Variants in CPEB1 observed in about 807,000 individuals in gnomAD.
The protein encoded by CPEB1 is cytoplasmic polyadenylation element-binding protein 1.
CPEB1 carries 7 observed loss-of-function variants against 65.8 expected under a neutral mutation model. The observed-to-expected ratio is 0.11, with a 90% CI of 0.06 to 0.20. CPEB1 has a LOEUF of 0.20. Ranked by LOEUF, CPEB1 falls within the 10% of genes least tolerant of loss-of-function variation. CPEB1 has a pLI of 1.00. For synonymous variants in CPEB1, 262 were observed against 260.0 expected (o/e 1.01, Z -0.08); for missense variants, 551 against 712.2 (o/e 0.77, Z 2.58).
At chr15:82,625,298 C>G (rs1252281879) in intron 3 of CPEB1, among the ~76,000 whole-genome samples, 2 of 152,016 alleles carry the variant, frequency 1.3e-5, no homozygotes, top group African/African-American at 4.8e-5. Flanking sequence ...CAAAAACCAC[C>G]CCCACCCCCA....
intron 3 of CPEB1, among the ~76,000 whole-genome samples, chr15:82,623,786 C>T (rs926621535): frequency 6.6e-6 from 1 of 152,106 alleles, no homozygotes. Context: ...ATTCTTTTTA[C>T]ACTTTTTTTT....
At chr15:82,566,332 A>T (rs1410289579) in intron 4 of CPEB1, among the ~76,000 whole-genome samples, 3 of 152,186 alleles carry the variant, frequency 2.0e-5, no homozygotes, top group Non-Finnish European at 2.9e-5. Context: ...ACCAGGAGCC[A>T]TTATTTCTAG....
intron 3 of CPEB1, among the ~76,000 whole-genome samples, chr15:82,573,384 C>T (rs1340431618): frequency 8.0e-6 from 1 of 125,130 alleles, no homozygotes; most frequent in Non-Finnish European, 1.7e-5. Context: ...ACTGGTGCTG[C>T]CCCTACCCCT....
chr15:82,615,560 A>G (rs188268785), intron 3 of CPEB1, among the ~76,000 whole-genome samples: 4 of 152,348 alleles, frequency 2.6e-5, no homozygotes, highest in Admixed American at 1.3e-4. Context: ...ACACAATTCT[A>G]GAAACTTACT....
intron 1 of CPEB1, among the ~76,000 whole-genome samples, chr15:82,641,855 C>A (rs999957579): frequency 1.3e-5 from 2 of 152,196 alleles, no homozygotes; most frequent in Non-Finnish European, 2.9e-5. Context: ...CCTCCCAGGT[C>A]CAAGTTAATC....
At chr15:82,640,378 C>T (rs112598689) in intron 1 of CPEB1, among the ~76,000 whole-genome samples, 1 of 152,154 alleles carries the variant, frequency 6.6e-6, no homozygotes, top group East Asian at 1.9e-4. Flanking sequence ...TTCTCTTGCA[C>T]ATAGGAACAC....
At chr15:82,560,400 GTTTT>G (rs548856094) in intron 4 of CPEB1, among the ~76,000 whole-genome samples, 4 of 134,370 alleles carry the variant, frequency 3.0e-5, no homozygotes, top group African/African-American at 8.3e-5. Context: ...ATTGTCATTT[GTTTT>G]TTTTTTTTTT....
At chr15:82,573,835 T>C (rs753535778) in intron 3 of CPEB1, among the ~76,000 whole-genome samples, 9 of 152,124 alleles carry the variant, frequency 5.9e-5, no homozygotes, top group Non-Finnish European at 1.0e-4. Flanking sequence ...GTTTGAGCAG[T>C]CGGGTGTGGT....
chr15:82,637,697 G>T (rs867932371), intron 1 of CPEB1, among the ~76,000 whole-genome samples: 2 of 152,038 alleles, frequency 1.3e-5, no homozygotes, highest in Non-Finnish European at 2.9e-5. Flanking sequence ...CTTTTAAGAC[G>T]TCTTCATTCC....
chr15:82,590,663 C>CA (rs1236343539), intron 3 of CPEB1, among the ~76,000 whole-genome samples: 3 of 152,196 alleles, frequency 2.0e-5, no homozygotes, highest in African/African-American at 7.2e-5. Context: ...CCAACATCCT[C>CA]AAATGGGCAC....
At chr15:82,571,887 A>AG in intron 3 of CPEB1, 6 of 1,043,276 alleles carry the variant, frequency 5.8e-6, no homozygotes, top group Non-Finnish European at 6.9e-6. Flanking sequence ...AGGGGACGAC[A>AG]GGGAGGAGAC....
At chr15:82,645,936 G>C (rs903141031) in intron 1 of CPEB1, among the ~76,000 whole-genome samples, 1 of 151,900 alleles carries the variant, frequency 6.6e-6, no homozygotes, top group African/African-American at 2.4e-5. Flanking sequence ...CGTGCTCTGG[G>C]AATACAGTTC....
At chr15:82,632,811 G>A (rs955997986) in intron 1 of CPEB1, among the ~76,000 whole-genome samples, 1 of 151,970 alleles carries the variant, frequency 6.6e-6, no homozygotes, top group Non-Finnish European at 1.5e-5. Context: ...TTACAGGCAT[G>A]AGCTACCACA....
chr15:82,579,348 C>G (rs998975753), intron 3 of CPEB1, among the ~76,000 whole-genome samples: 1 of 152,062 alleles, frequency 6.6e-6, no homozygotes, highest in Non-Finnish European at 1.5e-5. Flanking sequence ...GTGGTCCCAG[C>G]TACTGAGGAG....
At position 82,571,618 on chromosome 15, in the gene CPEB1, G is replaced by C; in HGVS notation, c.272-86C>G. On this transcript the variant is annotated intron_variant, in intron 3 of 12. Transcript: ENST00000684509. ...TCAACAGTAAATATTATTAATAATA[G>C]TTTCCCCAGGCTCACAGGCCAGACA... 6 of 1,501,442 alleles carry C rather than the reference G, an allele frequency of 4.0e-6. No homozygotes were observed. In the South Asian group the frequency reaches 6.9e-5, roughly 17 times the overall value. The allele number at this position is 1,501,442 out of a possible 1,614,324, so 93.0% of individuals were successfully genotyped here.
intron 3 of CPEB1, among the ~76,000 whole-genome samples, chr15:82,616,190 C>T (rs905764270): frequency 5.3e-5 from 8 of 151,948 alleles, no homozygotes; most frequent in Non-Finnish European, 1.0e-4. Flanking sequence ...TTATATCATT[C>T]TATTTCTTGA....
At chr15:82,556,342 T>C (rs576596647) in intron 5 of CPEB1, 1 of 502,748 alleles carries the variant, frequency 2.0e-6, no homozygotes, top group East Asian at 3.8e-5. Flanking sequence ...TGCCAGTCTT[T>C]ATAACCATTT....
chr15:82,647,419 G>C, upstream of CPEB1: 1 of 156,098 alleles, frequency 6.4e-6, no homozygotes, highest in Non-Finnish European at 1.4e-5. Flanking sequence ...CCCACCGCGC[G>C]CCGGGTGCTA....
intron 3 of CPEB1, among the ~76,000 whole-genome samples, chr15:82,620,814 T>A (rs559970081): frequency 6.6e-6 from 1 of 152,104 alleles, no homozygotes; most frequent in African/African-American, 2.4e-5. Flanking sequence ...AAAATAAAAA[T>A]TTAGCATAAC....
Sources: allele counts gnomAD v4.1 joint callset (sites outside exome capture counted in the v4.1 genomes callset), GRCh38; gene constraint gnomAD v4.1.1; transcripts MANE v1.5; gene names NCBI Gene and HGNC (gene_info 2026-07-23, HGNC 2026-07-21).